MERTK: variants seen among roughly 807,000 people sequenced by gnomAD.
The protein encoded by MERTK is tyrosine-protein kinase Mer.
Under a neutral mutation model 99.3 loss-of-function variants are expected in MERTK, and 69 were observed. The observed-to-expected ratio is 0.70, with a 90% CI of 0.57 to 0.85. MERTK has a LOEUF of 0.85. Ranked by LOEUF, MERTK falls within the 40% of genes least tolerant of loss-of-function variation. MERTK has a pLI of 0.00. For synonymous variants in MERTK, 426 were observed against 467.6 expected (o/e 0.91, Z 1.15); for missense variants, 1,125 against 1,249.4 (o/e 0.90, Z 1.50).
intron 13 of MERTK, among the ~76,000 whole-genome samples, chr2:112,007,481 A>G (rs1292621829): frequency 6.6e-6 from 1 of 151,840 alleles, no homozygotes; most frequent in Non-Finnish European, 1.5e-5. Context: ...GCAAAACTGA[A>G]CCTCTACACC....
chr2:112,001,954 C>A (rs888989825), intron 11 of MERTK, among the ~76,000 whole-genome samples: 12 of 151,834 alleles, frequency 7.9e-5, no homozygotes, highest in Non-Finnish European at 1.3e-4. Flanking sequence ...TTTTAGATAT[C>A]CTCAATTTTT....
At chr2:112,013,390 C>G (rs1009788982) in intron 15 of MERTK, 1 of 154,356 alleles carries the variant, frequency 6.5e-6, no homozygotes, top group Non-Finnish European at 1.5e-5. Context: ...AAATTACCCA[C>G]AATTCCCAAC....
intron 2 of MERTK, among the ~76,000 whole-genome samples, chr2:111,943,504 A>G (rs758187029): frequency 6.6e-6 from 1 of 152,078 alleles, no homozygotes; most frequent in Non-Finnish European, 1.5e-5. Flanking sequence ...GTGCAACTGC[A>G]CTCCAGCTTG....
chr2:111,989,611 T>C (rs1676568326), intron 8 of MERTK, among the ~76,000 whole-genome samples: 1 of 152,200 alleles, frequency 6.6e-6, no homozygotes, highest in African/African-American at 2.4e-5. Context: ...CGCCTCGGCC[T>C]CCCAAAGTGC....
intron 15 of MERTK, among the ~76,000 whole-genome samples, chr2:112,017,275 G>GT (rs1218747707): frequency 6.6e-6 from 1 of 151,942 alleles, no homozygotes; most frequent in East Asian, 1.9e-4. Flanking sequence ...CAATTGATGC[G>GT]TTTTTACAGA....
Position 112,003,890 on chromosome 2 carries a change from C to A in MERTK, c.1787-14C>A, listed in dbSNP as rs1234139714. 1 of 1,605,802 alleles carries A rather than the reference C, an allele frequency of 6.2e-7. No individual in the cohort carries two copies. Among genetic ancestry groups the A allele is most frequent in the Non-Finnish European group, 8.5e-7 (1 of 1,172,592 alleles). ...TTTGCACAGTGTCCATACAGGTGTT[C>A]TTTCACTTCACAGGAGAGTTTGGGT... On this transcript the variant is annotated splice_polypyrimidine_tract_variant and intron_variant, in intron 12 of 18. Coordinates refer to ENST00000295408, the MANE Select transcript of MERTK (RefSeq NM_006343.3).
intron 1 of MERTK, 83 bp downstream of exon 1, chr2:111,898,879 A>C: frequency 7.2e-7 from 1 of 1,383,552 alleles, no homozygotes; most frequent in African/African-American, 1.5e-5. Flanking sequence ...GAGCGCGTCC[A>C]CAGGGGCGCG....
chr2:111,919,643 C>T (rs570517006), intron 1 of MERTK, among the ~76,000 whole-genome samples: 3 of 151,940 alleles, frequency 2.0e-5, no homozygotes, highest in East Asian at 3.9e-4. Flanking sequence ...GCAAATGCCC[C>T]AGTGAAAAAG....
intron 4 of MERTK, among the ~76,000 whole-genome samples, chr2:111,962,096 T>C (rs1685261459): frequency 6.6e-6 from 1 of 152,234 alleles, no homozygotes. Flanking sequence ...TGGTGGCATA[T>C]TTTCAACAAT....
chr2:112,028,381 C>T lies in MERTK; in HGVS notation c.2517C>T (p.Thr839=), dbSNP rs781329536. 13 of 1,614,114 alleles carry T rather than the reference C, an allele frequency of 8.1e-6. No homozygotes were observed. Among genetic ancestry groups the T allele is most frequent in the Middle Eastern group, 1.6e-4 (1 of 6,062 alleles). ...LYEIMYSCWR[T]DPLDRPTFSV... Reference sequence around the variant, plus strand: ...AAATAATGTACTCTTGCTGGAGAACCGATCCCTTAGACCGCCCCACCTTTT... The same window carrying T: ...AAATAATGTACTCTTGCTGGAGAACTGATCCCTTAGACCGCCCCACCTTTT... Residue 839 remains threonine (T), a synonymous_variant, in exon 19 of 19, where the codon ACC becomes ACT. Transcript: ENST00000295408.
intron 2 of MERTK, among the ~76,000 whole-genome samples, chr2:111,931,058 G>C (rs1374152383): frequency 1.3e-5 from 2 of 152,144 alleles, no homozygotes; most frequent in Non-Finnish European, 2.9e-5. Flanking sequence ...TTCACTTTCT[G>C]TGACATGATA....
intron 1 of MERTK, among the ~76,000 whole-genome samples, chr2:111,924,521 A>G (rs1461339519): frequency 1.3e-5 from 2 of 152,042 alleles, no homozygotes; most frequent in Non-Finnish European, 2.9e-5. Flanking sequence ...CCCTGTAGTC[A>G]GGTCTTCACT....
chr2:111,910,720 T>G (rs1005815026), intron 1 of MERTK, among the ~76,000 whole-genome samples: 1 of 151,856 alleles, frequency 6.6e-6, no homozygotes, highest in Non-Finnish European at 1.5e-5. Flanking sequence ...TTTGGTTAAT[T>G]AAAACAAGCC....
At chr2:112,024,228 G>C (rs953298664) in intron 18 of MERTK, among the ~76,000 whole-genome samples, 3 of 152,224 alleles carry the variant, frequency 2.0e-5, no homozygotes, top group Non-Finnish European at 2.9e-5. Context: ...ACTATGGAAA[G>C]AGTTTTGTTG....
intron 14 of MERTK, among the ~76,000 whole-genome samples, chr2:112,009,292 C>T (rs530050155): frequency 1.3e-5 from 2 of 152,304 alleles, no homozygotes; most frequent in African/African-American, 2.4e-5. Context: ...ACTATGAGAA[C>T]AATTGCACTT....
At chr2:111,960,594 A>C (rs531065034) in intron 4 of MERTK, among the ~76,000 whole-genome samples, 1 of 152,184 alleles carries the variant, frequency 6.6e-6, no homozygotes, top group South Asian at 2.1e-4. Context: ...GTTTTGATTA[A>C]TTGCATCCTA....
intron 1 of MERTK, among the ~76,000 whole-genome samples, chr2:111,916,615 GT>G (rs1684356047): frequency 1.3e-5 from 2 of 151,714 alleles, no homozygotes; most frequent in Non-Finnish European, 2.9e-5. Context: ...GTGGCTTTCT[GT>G]TTTTTCATGT....
intron 2 of MERTK, 51 bp from the exon 3 acceptor site, chr2:111,944,909 G>A (rs1323450174): frequency 6.9e-7 from 1 of 1,449,062 alleles, no homozygotes; most frequent in Non-Finnish European, 9.7e-7. Context: ...TCCTATAATA[G>A]GAACTCAAAG....
intron 15 of MERTK, among the ~76,000 whole-genome samples, chr2:112,015,237 C>A (rs1677194213): frequency 6.6e-6 from 1 of 152,182 alleles, no homozygotes; most frequent in African/African-American, 2.4e-5. Context: ...CATATTTAAC[C>A]TTATAAGAAC....
Sources: gnomAD v4.1 joint callset for allele counts (sites outside exome capture counted in the v4.1 genomes callset) on GRCh38, gnomAD v4.1.1 for gene constraint, MANE v1.5 for transcripts, NCBI Gene and HGNC (gene_info 2026-07-23, HGNC 2026-07-21) for gene names.